The following CEP295 variants were observed in gnomAD, a reference collection of about 807,000 sequenced individuals.
The protein encoded by CEP295 is centrosomal protein of 295 kDa.
CEP295 carries 190 observed loss-of-function variants against 291.6 expected under a neutral mutation model. The observed-to-expected ratio is 0.65, with a 90% CI of 0.58 to 0.73. The LOEUF (loss-of-function observed/expected upper bound fraction) is 0.73, where lower values mean the gene tolerates loss of function less well. CEP295 is among the 30% of genes least tolerant of loss of function. The pLI is 0.00. For synonymous variants in CEP295, 993 were observed against 1,038.8 expected, an observed-to-expected ratio of 0.96 and a Z score of 0.85; for missense variants, 2,863 against 2,949.4, an observed-to-expected ratio of 0.97 and a Z score of 0.68.
chr11:93,728,887 C>T, intron 25 of CEP295, 66 bp downstream of exon 25: 1 of 1,390,400 alleles, frequency 7.2e-7, no homozygotes. Context: ...TCTCTTACAA[C>T]TTATCAGAAG....
rs932665121 is a variant in CEP295, at chr11:93,669,505, T to G, written c.435-172T>G. Among the ~76,000 whole-genome samples the G allele has an allele frequency of 2.6e-5, 4 of 151,756 alleles. No homozygotes were observed. In the East Asian group the frequency reaches 7.7e-4, roughly 29 times the overall value. On this transcript the variant is annotated intron_variant, in intron 4 of 29. Coordinates refer to ENST00000325212, the MANE Select transcript of CEP295 (RefSeq NM_033395.2). ...CTGTCTTTAGATAGGCCTCTCTCAATTTGTAAACATTTTCTTAACATATGT... is the reference window on the plus strand; with the variant it reads ...CTGTCTTTAGATAGGCCTCTCTCAAGTTGTAAACATTTTCTTAACATATGT...
chr11:93,697,926 C>T lies in CEP295; in HGVS notation c.3014C>T (p.Thr1005Ile), dbSNP rs975567442. ...FPFQVAQHTF[T>I]SLPSADTKSG... Reference sequence around the variant, plus strand: ...TTTCAGGTAGCTCAGCATACATTTACTTCACTACCATCTGCTGATACAAAA... The same window carrying T: ...TTTCAGGTAGCTCAGCATACATTTATTTCACTACCATCTGCTGATACAAAA... The change falls in exon 15 of 30, where the codon ACT (threonine) becomes ATT (isoleucine). Residue 1005 changes from threonine (T) to isoleucine (I), a missense_variant. Thr to Ile is a moderately conservative substitution (Grantham distance 89). This residue lies in a region of CEP295 where 2,295 missense variants were observed against 2,335.7 expected (regional missense o/e 0.98). Transcript: ENST00000325212. The T allele has an allele frequency of 1.3e-6, 2 of 1,551,712 alleles. No homozygotes were observed. Among genetic ancestry groups the T allele is most frequent in the Non-Finnish European group, 1.7e-6 (2 of 1,146,958 alleles).
chr11:93,688,189 C>G (rs1951340542), intron 10 of CEP295, among the ~76,000 whole-genome samples: 1 of 152,014 alleles, frequency 6.6e-6, no homozygotes, highest in Non-Finnish European at 1.5e-5. Context: ...AGTCTTTGCC[C>G]ACATCTTTAT....
rs1336842491 is a variant in CEP295 at position 93,728,834 on chromosome 11, T to G, written c.7302+13T>G. Reference sequence around the variant, plus strand: ...ATGCTTCTTTCAGGTAAATTTAAGCTTTCCTTCTATTTTATTCTATTACAA... The same window carrying G: ...ATGCTTCTTTCAGGTAAATTTAAGCGTTCCTTCTATTTTATTCTATTACAA... On this transcript the variant is annotated intron_variant, in intron 25 of 29. Coordinates refer to ENST00000325212, the MANE Select transcript of CEP295 (RefSeq NM_033395.2). 1 of 1,529,820 alleles carries G rather than the reference T, an allele frequency of 6.5e-7. No individual in the cohort carries two copies. Among genetic ancestry groups the G allele is most frequent in the South Asian group, 1.2e-5 (1 of 80,550 alleles). The allele number at this position is 1,529,820 out of a possible 1,614,324, so 94.8% of individuals were successfully genotyped here.
intron 24 of CEP295, chr11:93,727,884 T>C (rs987290626): frequency 2.2e-5 from 8 of 369,518 alleles, no homozygotes; most frequent in Admixed American, 2.1e-4. Flanking sequence ...TTGTGATCAC[T>C]AGAAATATCC....
At chr11:93,722,557 C>A in intron 20 of CEP295, 1 of 159,552 alleles carries the variant, frequency 6.3e-6, no homozygotes. Flanking sequence ...TCTGTAGATC[C>A]CCAACAATAC....
In CEP295 at chr11:93,711,481, GTTTTGTTTTTGTTTTTGT is replaced by G. The variant is rs138472629; in HGVS notation, c.5749+4606_5749+4623del. Among the ~76,000 whole-genome samples the G allele has an allele frequency of 1.3e-3, 192 of 149,650 alleles. 1 individual carries two copies. Among genetic ancestry groups the G allele is most frequent in the African/African-American group, 4.4e-3 (181 of 40,900 alleles). Reference sequence around the variant, plus strand: ...AGAGAAGACAAGTGTTATTATTTCAGTTTTGTTTTTGTTTTTGTTTTTGTTTTTGTTTTTGTTTTGAGA... The same window carrying G: ...AGAGAAGACAAGTGTTATTATTTCAGTTTTGTTTTTGTTTTTGTTTTGAGA... On this transcript the variant is annotated intron_variant, in intron 18 of 29. Transcript: ENST00000325212.
Position 93,721,936 on chromosome 11 carries a change from A to G in CEP295, c.5851-18A>G, listed in dbSNP as rs1389345870. 1 of 1,558,178 alleles carries G rather than the reference A, an allele frequency of 6.4e-7. No individual in the cohort carries two copies. Among genetic ancestry groups the G allele is most frequent in the South Asian group, 1.1e-5 (1 of 89,916 alleles). On this transcript the variant is annotated intron_variant, in intron 19 of 29. Coordinates refer to ENST00000325212, the MANE Select transcript of CEP295 (RefSeq NM_033395.2). ...ACTACTTGCTACATTGTGGTATGAT[A>G]TTCCCCTTAATTTCTAGGCTAAAAC...
intron 18 of CEP295, among the ~76,000 whole-genome samples, chr11:93,718,189 G>A (rs1953414217): frequency 6.6e-6 from 1 of 152,214 alleles, no homozygotes; most frequent in African/African-American, 2.4e-5. Flanking sequence ...GGGATTATAG[G>A]CGTGAGCCAC....
At chr11:93,678,580 G>T (rs189091454) in intron 6 of CEP295, among the ~76,000 whole-genome samples, 50 of 152,206 alleles carry the variant, frequency 3.3e-4, no homozygotes, top group African/African-American at 1.2e-3. Flanking sequence ...GACTTTTACT[G>T]CTGGTTACAT....
At chr11:93,727,941 AT>A (rs1426088871) in intron 24 of CEP295, 1 of 218,130 alleles carries the variant, frequency 4.6e-6, no homozygotes, top group East Asian at 1.0e-4. Flanking sequence ...TTCTGAGAGT[AT>A]TTTACAAAAG....
In CEP295 at chr11:93,695,453, G is replaced by A. The variant is rs919856218; in HGVS notation, c.1534-44G>A. Reference sequence around the variant, plus strand: ...TGGAACGTGTGTTATCTTTGCCTTTGTATGAGTTTGTTGTTAATAGATCAA... The same window carrying A: ...TGGAACGTGTGTTATCTTTGCCTTTATATGAGTTTGTTGTTAATAGATCAA... On this transcript the variant is annotated intron_variant, in intron 12 of 29. Transcript: ENST00000325212. 3.1e-6 allele frequency: 4 copies of A among 1,273,138 alleles called. No homozygotes were observed. The Admixed American group carries it at 1.6e-4, about 50-fold the overall frequency. The allele number at this position is 1,273,138 out of a possible 1,614,324, so 78.9% of individuals were successfully genotyped here. A position where few individuals can be genotyped will look rare whatever the true frequency, so the allele number is the denominator to read the frequency against.
intron 5 of CEP295, among the ~76,000 whole-genome samples, chr11:93,674,342 T>C (rs1950587614): frequency 6.6e-6 from 1 of 152,218 alleles, no homozygotes. Flanking sequence ...AGCTAAAACT[T>C]TGGTTAATTC....
chr11:93,727,658 A>T (rs748080051), intron 24 of CEP295, 21 bp downstream of exon 24: 40 of 1,478,040 alleles, frequency 2.7e-5, no homozygotes, highest in Non-Finnish European at 3.3e-5. Flanking sequence ...TCAGTGTTGT[A>T]TAAATAACAT....
chr11:93,673,095 A>G (rs543647131), intron 5 of CEP295, among the ~76,000 whole-genome samples: 2 of 152,290 alleles, frequency 1.3e-5, no homozygotes, highest in African/African-American at 2.4e-5. Context: ...AAGCATTCTA[A>G]TGTGTACTAC....
intron 9 of CEP295, among the ~76,000 whole-genome samples, chr11:93,685,519 G>T (rs1951188014): frequency 6.6e-6 from 1 of 152,050 alleles, no homozygotes; most frequent in Non-Finnish European, 1.5e-5. Context: ...GAAGCCTAAG[G>T]TTACTACCAG....
At chr11:93,673,234 G>C (rs1844769602) in intron 5 of CEP295, among the ~76,000 whole-genome samples, 1 of 152,100 alleles carries the variant, frequency 6.6e-6, no homozygotes, top group African/African-American at 2.4e-5. Flanking sequence ...AGGATTCCTT[G>C]AGCCCAGGAG....
chr11:93,728,864 A>G (rs1237661783), intron 25 of CEP295, 43 bp downstream of exon 25: 1 of 1,492,710 alleles, frequency 6.7e-7, no homozygotes, highest in Non-Finnish European at 9.0e-7. Context: ...TTACAAGCAA[A>G]CCAGTTGATT....
intron 5 of CEP295, among the ~76,000 whole-genome samples, chr11:93,672,906 A>C (rs1252439560): frequency 1.3e-5 from 2 of 152,186 alleles, no homozygotes; most frequent in Non-Finnish European, 2.9e-5. Context: ...CAATCTATAC[A>C]TAATTGCCTT....
Sources: allele counts gnomAD v4.1 joint callset (sites outside exome capture counted in the v4.1 genomes callset), GRCh38; gene constraint gnomAD v4.1.1; regional missense constraint gnomAD v4.1.1; transcripts MANE v1.5; gene names NCBI Gene and HGNC (gene_info 2026-07-23, HGNC 2026-07-21).